The following ATP6V1H variants were observed in gnomAD, a reference collection of about 807,000 sequenced individuals.
ATP6V1H encodes the protein ATPase H+ transporting V1 subunit H.
Under a neutral mutation model 71.7 loss-of-function variants are expected in ATP6V1H, and 39 were observed. The ratio of observed to expected loss-of-function variants is 0.54; its 90% CI spans 0.42 to 0.71. ATP6V1H has a LOEUF of 0.71. Among genes scored for constraint, ATP6V1H ranks in the 30% least tolerant of loss-of-function variants. ATP6V1H has a pLI of 0.00. For synonymous variants in ATP6V1H, 192 were observed against 199.3 expected (o/e 0.96, Z 0.31); for missense variants, 509 against 594.9 (o/e 0.86, Z 1.50).
intron 8 of ATP6V1H, among the ~76,000 whole-genome samples, chr8:53,800,683 C>T (rs1046402083): frequency 1.5e-4 from 23 of 152,304 alleles, no homozygotes; most frequent in South Asian, 6.2e-4. Flanking sequence ...TAGATCATTT[C>T]GCTCAAGGAC....
chr8:53,830,447 T>C (rs1810969506), intron 3 of ATP6V1H, among the ~76,000 whole-genome samples: 1 of 152,134 alleles, frequency 6.6e-6, no homozygotes, highest in African/African-American at 2.4e-5. Context: ...CTTCCATGGA[T>C]AGACAGCCCA....
chr8:53,824,601 T>C lies in ATP6V1H; in HGVS notation c.306+4843A>G, dbSNP rs540488990. On this transcript the variant is annotated intron_variant, in intron 4 of 13. Coordinates refer to ENST00000359530, the MANE Select transcript of ATP6V1H (RefSeq NM_015941.4). Reference sequence around the variant, plus strand: ...ATTACTATAATTCACTATATTGATATATCTAAGGAGAGGGGAAAAAAAGTC... The same window carrying C: ...ATTACTATAATTCACTATATTGATACATCTAAGGAGAGGGGAAAAAAAGTC... Among the ~76,000 whole-genome samples the C allele has an allele frequency of 5.3e-5, 8 of 152,248 alleles. No individual in the cohort carries two copies. In the East Asian group the frequency reaches 1.3e-3, roughly 26 times the overall value.
At chr8:53,755,124 G>A (rs1470028175) in intron 12 of ATP6V1H, among the ~76,000 whole-genome samples, 1 of 152,162 alleles carries the variant, frequency 6.6e-6, no homozygotes, top group Non-Finnish European at 1.5e-5. Flanking sequence ...GAAGGCACTG[G>A]CAACAGCTTG....
At chr8:53,731,376 C>T (rs1335527703) in intron 13 of ATP6V1H, among the ~76,000 whole-genome samples, 1 of 152,188 alleles carries the variant, frequency 6.6e-6, no homozygotes, top group Non-Finnish European at 1.5e-5. Flanking sequence ...GATCAATAGT[C>T]AGACAGCCCA....
At chr8:53,757,438 C>T (rs1808111328) in intron 11 of ATP6V1H, among the ~76,000 whole-genome samples, 2 of 152,176 alleles carry the variant, frequency 1.3e-5, no homozygotes, top group African/African-American at 2.4e-5. Context: ...GACTACCTTC[C>T]TCATGTGTGC....
chr8:53,803,836 A>G (rs922966670), intron 7 of ATP6V1H, among the ~76,000 whole-genome samples: 22 of 152,216 alleles, frequency 1.4e-4, no homozygotes, highest in African/African-American at 5.3e-4. Flanking sequence ...GAGGAATCCC[A>G]TCTTTCCTGC....
intron 4 of ATP6V1H, among the ~76,000 whole-genome samples, chr8:53,828,899 T>A (rs1429682646): frequency 6.6e-6 from 1 of 152,164 alleles, no homozygotes; most frequent in Non-Finnish European, 1.5e-5. Context: ...TATACTCTAG[T>A]GTAAAATACA....
At chr8:53,755,470 C>G (rs1312309618) in intron 12 of ATP6V1H, among the ~76,000 whole-genome samples, 1 of 142,956 alleles carries the variant, frequency 7.0e-6, no homozygotes, top group African/African-American at 2.6e-5. Context: ...CAAGCACTAA[C>G]CAAGCAGCCC....
intron 5 of ATP6V1H, among the ~76,000 whole-genome samples, 172 bp from the exon 6 acceptor site, chr8:53,814,938 A>C (rs1170766526): frequency 1.3e-5 from 2 of 152,218 alleles, no homozygotes. Flanking sequence ...ACAAACATTA[A>C]AAATATATTT....
intron 9 of ATP6V1H, among the ~76,000 whole-genome samples, chr8:53,778,532 CCATAGAAAAGAATGAAATCCTGT>C (rs1808974351): frequency 6.6e-6 from 1 of 152,090 alleles, no homozygotes; most frequent in African/African-American, 2.4e-5. Flanking sequence ...GACTATTCAG[CCATAGAAAAGAATGAAATCCTGT>C]CATCTGCAGC....
rs573009848 is a variant in ATP6V1H, at chr8:53,808,505, C to T, written c.579+2659G>A. ...ATGTTTCACTGGGTACAGTGGCTCA[C>T]GCCTATAATCCCAACACTTTGGAAG... On this transcript the variant is annotated intron_variant, in intron 7 of 13. Transcript: ENST00000359530. 1.5e-4 allele frequency among the ~76,000 whole-genome samples: 23 copies of T among 152,330 alleles called. No homozygotes were observed. The East Asian group carries it at 3.3e-3, about 22-fold the overall frequency.
intron 11 of ATP6V1H, among the ~76,000 whole-genome samples, chr8:53,765,059 C>T (rs546305512): frequency 3.3e-5 from 5 of 152,078 alleles, no homozygotes; most frequent in South Asian, 2.1e-4. Context: ...TAGCTATGAT[C>T]GCACCACTTC....
intron 4 of ATP6V1H, among the ~76,000 whole-genome samples, chr8:53,819,547 CAT>C (rs34645455): frequency 0.16 from 5,724 of 35,058 alleles, 447 homozygotes; most frequent in Non-Finnish European, 0.18. Context: ...AAAAAAAAAG[CAT>C]ATATATATAT....
intron 11 of ATP6V1H, among the ~76,000 whole-genome samples, chr8:53,763,823 T>G (rs776466613): frequency 2.6e-5 from 4 of 152,202 alleles, no homozygotes; most frequent in Non-Finnish European, 5.9e-5. Context: ...GAATCAAAGC[T>G]TATTGGCAGC....
At chr8:53,815,871 C>T (rs929176212) in intron 5 of ATP6V1H, among the ~76,000 whole-genome samples, 3 of 152,130 alleles carry the variant, frequency 2.0e-5, no homozygotes, top group Admixed American at 6.6e-5. Flanking sequence ...TGGGAGTCTG[C>T]CCCTCAGAAT....
At chr8:53,734,447 CT>C (rs1207837251) in intron 13 of ATP6V1H, among the ~76,000 whole-genome samples, 3 of 152,170 alleles carry the variant, frequency 2.0e-5, no homozygotes, top group African/African-American at 7.2e-5. Flanking sequence ...CCCCAGGGTA[CT>C]TCAGCCCAGA....
At chr8:53,800,441 A>C (rs952137750) in intron 8 of ATP6V1H, among the ~76,000 whole-genome samples, 7 of 152,346 alleles carry the variant, frequency 4.6e-5, no homozygotes, top group Non-Finnish European at 8.8e-5. Context: ...CAGAAGATGA[A>C]AACAAAGAGA....
chr8:53,734,672 C>T (rs903263827), intron 13 of ATP6V1H, among the ~76,000 whole-genome samples: 3 of 152,190 alleles, frequency 2.0e-5, no homozygotes, highest in African/African-American at 7.2e-5. Flanking sequence ...CAAAAGGTGG[C>T]AGTCATGCAC....
chr8:53,780,354 T>C (rs1258766248), intron 9 of ATP6V1H, among the ~76,000 whole-genome samples: 1 of 152,178 alleles, frequency 6.6e-6, no homozygotes, highest in Non-Finnish European at 1.5e-5. Context: ...AAATCAATCA[T>C]TAAGCCTTCT....
Sources: gnomAD v4.1 joint callset for allele counts (sites outside exome capture counted in the v4.1 genomes callset) on GRCh38, gnomAD v4.1.1 for gene constraint, MANE v1.5 for transcripts, NCBI Gene and HGNC (gene_info 2026-07-23, HGNC 2026-07-21) for gene names.